Variants in TANC1 observed in about 807,000 individuals in gnomAD.
TANC1 encodes protein TANC1.
A neutral mutation model predicts 149.7 loss-of-function variants in TANC1; 77 were observed. The observed-to-expected ratio is 0.51, with a 90% confidence interval of 0.43 to 0.62. TANC1 has a LOEUF of 0.62. Among genes scored for constraint, TANC1 ranks in the 20% least tolerant of loss-of-function variants. The pLI, the probability that TANC1 is intolerant of heterozygous loss-of-function variation, is 0.00. For missense variants in TANC1, 1,985 were observed against 2,321.8 expected (o/e 0.85, Z 2.98); for synonymous variants, 854 against 925.0 (o/e 0.92, Z 1.39).
At chr2:159,035,554 G>C (rs1410833516) in intron 2 of TANC1, among the ~76,000 whole-genome samples, 1 of 152,164 alleles carries the variant, frequency 6.6e-6, no homozygotes, top group Non-Finnish European at 1.5e-5. Flanking sequence ...CGTCTGATAG[G>C]TGATCTCGCT....
intron 24 of TANC1, chr2:159,226,171 G>A (rs13409485): frequency 0.073 from 13,691 of 188,556 alleles, 1,215 homozygotes; most frequent in East Asian, 0.22. Context: ...CTCAGTCTCA[G>A]AAGAAAAAAA....
intron 3 of TANC1, among the ~76,000 whole-genome samples, chr2:159,071,464 G>T (rs988272837): frequency 6.6e-6 from 1 of 152,118 alleles, no homozygotes; most frequent in African/African-American, 2.4e-5. Context: ...CACTTGTAAT[G>T]ATGTTAATTA....
chr2:159,167,467 T>G lies in TANC1; in HGVS notation c.947-1783T>G, dbSNP rs145124371. On this transcript the variant is annotated intron_variant, in intron 8 of 26. Coordinates refer to ENST00000263635, the MANE Select transcript of TANC1 (RefSeq NM_033394.3). ...CTAGAGAGAAGCTAGACGCTGTCCT[T>G]GGATTACCGTACATTCGATCCATTT... is the stretch of plus-strand genomic sequence containing the variant. 2.8e-4 allele frequency among the ~76,000 whole-genome samples: 43 copies of G among 152,336 alleles called. No individual in the cohort carries two copies. In the Middle Eastern group the frequency reaches 0.02, roughly 72 times the overall value.
intron 23 of TANC1, 139 bp downstream of exon 23, chr2:159,224,503 T>A: frequency 1.1e-6 from 1 of 929,408 alleles, no homozygotes; most frequent in Non-Finnish European, 1.6e-6. Flanking sequence ...TCAGTCTCAC[T>A]TAATCACCAT....
intron 22 of TANC1, among the ~76,000 whole-genome samples, chr2:159,221,369 A>G (rs1431256636): frequency 6.6e-6 from 1 of 151,902 alleles, no homozygotes. Flanking sequence ...CAACAGAGTG[A>G]GACTCAGTCT....
chr2:159,225,597 GGTGCTGACCTCCAGCC>G (rs2150975585), intron 23 of TANC1, 75 bp from the exon 24 acceptor site: 1 of 962,534 alleles, frequency 1.0e-6, no homozygotes, highest in East Asian at 2.5e-5. Context: ...GGCTCCTGCT[GGTGCTGACCTCCAGCC>G]GTGGGGCCAC....
At chr2:159,029,986 G>T (rs976706529) in intron 2 of TANC1, among the ~76,000 whole-genome samples, 1 of 152,180 alleles carries the variant, frequency 6.6e-6, no homozygotes, top group Non-Finnish European at 1.5e-5. Context: ...ACTGTACCCA[G>T]CCTCTACTAT....
Position 159,217,634 on chromosome 2 carries a change from C to G in TANC1, c.3378+4C>G, listed in dbSNP as rs775068354. 2.5e-6 allele frequency: 4 copies of G among 1,613,724 alleles called. No individual in the cohort carries two copies. In the East Asian group the frequency reaches 8.9e-5, roughly 36 times the overall value. On this transcript the variant is annotated splice_donor_region_variant and intron_variant, in intron 20 of 26. Transcript: ENST00000263635. ...AGCACGCCAGGGGCATTGGCAGGTA[C>G]CCAGGGGGCCCCTGAATGCTTCAGA...
Position 159,194,432 on chromosome 2 carries a change from G to C in TANC1, c.2918G>C (p.Cys973Ser). Residue 973 changes from cysteine to serine, a missense_variant, in exon 17 of 27, where the codon TGT (cysteine) becomes TCT (serine). Cys to Ser is a moderately radical substitution (Grantham distance 112). Coordinates refer to ENST00000263635, the MANE Select transcript of TANC1 (RefSeq NM_033394.3). ...TCAGAGAACGGCATGACTGCCCTCT[G>C]TTACGCAGCAGCTGCTGGCCACATG... is the stretch of plus-strand genomic sequence containing the variant. ...GTSENGMTAL[C>S]YAAAAGHMKL... The C allele has an allele frequency of 1.9e-6, 3 of 1,614,292 alleles. No homozygotes were observed. Among genetic ancestry groups the C allele is most frequent in the Non-Finnish European group, 2.5e-6 (3 of 1,180,054 alleles).
At chr2:159,048,727 A>C (rs1468736920) in intron 2 of TANC1, among the ~76,000 whole-genome samples, 1 of 152,254 alleles carries the variant, frequency 6.6e-6, no homozygotes, top group Non-Finnish European at 1.5e-5. Flanking sequence ...AGTTTAGAAC[A>C]GGTAAGGATA....
At chr2:159,171,883 A>AAAAG (rs1559388608) in intron 10 of TANC1, among the ~76,000 whole-genome samples, 1 of 129,562 alleles carries the variant, frequency 7.7e-6, no homozygotes, top group Non-Finnish European at 1.7e-5. Context: ...AAAGAAAAAG[A>AAAAG]AAAAAAAAAT....
intron 2 of TANC1, among the ~76,000 whole-genome samples, chr2:159,010,189 A>C (rs760631656): frequency 6.6e-6 from 1 of 152,186 alleles, no homozygotes; most frequent in East Asian, 1.9e-4. Context: ...GAGTTTTCTT[A>C]AATGATAGTT....
chr2:159,226,275 T>A (rs1456403171), intron 24 of TANC1: 1 of 171,630 alleles, frequency 5.8e-6, no homozygotes, highest in Non-Finnish European at 1.2e-5. Flanking sequence ...CACCTCTCTT[T>A]GTGTCTGAGA....
At chr2:159,182,252 A>G (rs1427362552) in intron 14 of TANC1, among the ~76,000 whole-genome samples, 1 of 152,038 alleles carries the variant, frequency 6.6e-6, no homozygotes, top group Non-Finnish European at 1.5e-5. Flanking sequence ...AGACTTAAAC[A>G]TATTTACATT....
intron 1 of TANC1, among the ~76,000 whole-genome samples, chr2:158,977,264 C>T (rs1406419765): frequency 1.3e-5 from 2 of 152,118 alleles, no homozygotes; most frequent in African/African-American, 4.8e-5. Context: ...CTCAGACTCC[C>T]AAGTATCTGG....
chr2:159,034,297 C>G (rs1218144687), intron 2 of TANC1, among the ~76,000 whole-genome samples: 1 of 152,202 alleles, frequency 6.6e-6, no homozygotes, highest in Non-Finnish European at 1.5e-5. Flanking sequence ...TTCTTCAGCT[C>G]TCTTCCCTGG....
chr2:159,014,254 AAGG>A (rs2038049838), intron 2 of TANC1, among the ~76,000 whole-genome samples: 1 of 152,200 alleles, frequency 6.6e-6, no homozygotes, highest in East Asian at 1.9e-4. Context: ...GGCAGAAGGC[AAGG>A]AGAAGCAAGT....
At chr2:159,228,555 C>A (rs2060157789) in intron 25 of TANC1, 1 of 477,424 alleles carries the variant, frequency 2.1e-6, no homozygotes, top group South Asian at 2.5e-5. Context: ...TGAGGTTCCA[C>A]CATCTGGCCT....
At chr2:159,105,416 C>T (rs2047084582) in intron 4 of TANC1, among the ~76,000 whole-genome samples, 2 of 152,138 alleles carry the variant, frequency 1.3e-5, no homozygotes, top group African/African-American at 2.4e-5. Context: ...TTTAAGTGTA[C>T]AGTTCAGTGG....
Sources: gnomAD v4.1 joint callset for allele counts (sites outside exome capture counted in the v4.1 genomes callset) on GRCh38, gnomAD v4.1.1 for gene constraint, MANE v1.5 for transcripts, NCBI Gene and HGNC (gene_info 2026-07-23, HGNC 2026-07-21) for gene names.